TRAPPC9: variants seen among roughly 807,000 people sequenced by gnomAD.
The protein encoded by TRAPPC9 is trafficking protein particle complex subunit 9.
A neutral mutation model predicts 124.0 loss-of-function variants in TRAPPC9; 83 were observed. The ratio of observed to expected loss-of-function variants is 0.67; its 90% CI spans 0.56 to 0.80. The LOEUF is 0.80. Among genes scored for constraint, TRAPPC9 ranks in the 30% least tolerant of loss-of-function variants. The pLI, the probability that TRAPPC9 is intolerant of heterozygous loss-of-function variation, is 0.00. For synonymous variants in TRAPPC9, 638 were observed against 617.5 expected (o/e 1.03, Z -0.49); for missense variants, 1,302 against 1,508.3 (o/e 0.86, Z 2.27).
chr8:140,392,449 G>A (rs1199735261), intron 7 of TRAPPC9, among the ~76,000 whole-genome samples: 1 of 152,168 alleles, frequency 6.6e-6, no homozygotes, highest in Non-Finnish European at 1.5e-5. Context: ...AGGTCTACAA[G>A]GCAGAACATG....
chr8:139,899,873 A>C (rs1830911403), intron 20 of TRAPPC9, among the ~76,000 whole-genome samples: 1 of 152,184 alleles, frequency 6.6e-6, no homozygotes, highest in Admixed American at 6.5e-5. Flanking sequence ...GAGAAAGCAG[A>C]GACAGACCTG....
intron 19 of TRAPPC9, among the ~76,000 whole-genome samples, chr8:139,981,161 A>G (rs939312194): frequency 2.6e-5 from 4 of 152,104 alleles, no homozygotes; most frequent in Admixed American, 6.5e-5. Context: ...TCCCAGAGCC[A>G]TCTGGGTTTG....
At chr8:139,851,083 T>C (rs73364196) in intron 21 of TRAPPC9, among the ~76,000 whole-genome samples, 2,960 of 152,298 alleles carry the variant, frequency 0.019, 82 homozygotes, top group African/African-American at 0.066. Context: ...GCAGATGATG[T>C]CATGGGTTCC....
intron 21 of TRAPPC9, among the ~76,000 whole-genome samples, chr8:139,800,976 G>A (rs1307894420): frequency 2.5e-5 from 3 of 121,952 alleles, no homozygotes; most frequent in East Asian, 2.4e-4. Context: ...CCCTCCCTCC[G>A]GCATCTTCCC....
Position 140,308,160 on chromosome 8 carries a change from G to A in TRAPPC9, c.1622+3088C>T, listed in dbSNP as rs140154548. On this transcript the variant is annotated intron_variant, in intron 10 of 22. Transcript: ENST00000438773. ...AAGCCTCAACGAAGGAACAAAACCG[G>A]CCACACATTTGGCCCACTCTAAGTA... Among the ~76,000 whole-genome samples the A allele has an allele frequency of 1.1e-4, 17 of 152,024 alleles. 1 individual carries two copies. Among genetic ancestry groups the A allele is most frequent in the African/African-American group, 3.9e-4 (16 of 41,458 alleles).
intron 20 of TRAPPC9, among the ~76,000 whole-genome samples, chr8:139,905,252 G>A (rs949809250): frequency 6.6e-6 from 1 of 152,016 alleles, no homozygotes; most frequent in Non-Finnish European, 1.5e-5. Flanking sequence ...CGGGGGGCTG[G>A]GGGGAAGGAT....
At chr8:139,758,743 T>C (rs943678094) in intron 21 of TRAPPC9, among the ~76,000 whole-genome samples, 3 of 152,130 alleles carry the variant, frequency 2.0e-5, no homozygotes, top group Admixed American at 1.3e-4. Context: ...CTAGCTTCAG[T>C]GTGTGGAGGT....
At chr8:139,803,896 A>T (rs4736006) in intron 21 of TRAPPC9, among the ~76,000 whole-genome samples, 11,674 of 152,160 alleles carry the variant, frequency 0.077, 536 homozygotes, top group East Asian at 0.14. Context: ...ATGACGTCTA[A>T]ATGTGTCATT....
rs1424914042 is a variant in TRAPPC9, at chr8:139,988,181, C to T, written c.2810+545G>A. On this transcript the variant is annotated intron_variant, in intron 19 of 22. Coordinates refer to ENST00000438773, the MANE Select transcript of TRAPPC9 (RefSeq NM_001160372.4). ...TGGAGTACGGTGGTACGATCGATCT[C>T]GGCTCACTGCACCCTCTGCTTCCCG... 3.4e-5 allele frequency among the ~76,000 whole-genome samples: 5 copies of T among 147,956 alleles called. 1 individual carries two copies. Among genetic ancestry groups the T allele is most frequent in the Middle Eastern group, 7.1e-3 (2 of 280 alleles).
rs114525668 is a variant in TRAPPC9, at chr8:139,779,979, G to A, written c.3056-47777C>T. Among the ~76,000 whole-genome samples, 787 of 152,192 alleles carry A rather than the reference G, an allele frequency of 5.2e-3. 11 individuals carry two copies. Among genetic ancestry groups the A allele is most frequent in the African/African-American group, 0.018 (763 of 41,542 alleles). On this transcript the variant is annotated intron_variant, in intron 21 of 22. Transcript: ENST00000438773. ...AACAAAACATGTACAAGAGCTACAC[G>A]AGGAAAACTACAAAACTCTGATGAG... is the stretch of plus-strand genomic sequence containing the variant.
Position 140,023,981 on chromosome 8 carries a change from C to T in TRAPPC9, c.2655G>A (p.Glu885=). 6 of 1,614,118 alleles carry T rather than the reference C, an allele frequency of 3.7e-6. No homozygotes were observed. The highest frequency in any genetic ancestry group is 5.1e-6 in the Non-Finnish European group (6 of 1,180,004). Residue 885 remains glutamate, a synonymous_variant, in exon 18 of 23, where the codon GAG becomes GAA. Coordinates refer to ENST00000438773, the MANE Select transcript of TRAPPC9 (RefSeq NM_001160372.4). ...TGACTCGGGTGAAAAATACAGACGG[C>T]TCGACTTCTACATGCAGCCCCAGGG... ...NLSLGLHVEV[E]PSVFFTRVST...
At chr8:139,744,658 A>T (rs868493861) in intron 21 of TRAPPC9, among the ~76,000 whole-genome samples, 1 of 152,026 alleles carries the variant, frequency 6.6e-6, no homozygotes, top group South Asian at 2.1e-4. Flanking sequence ...CTCTCAATCC[A>T]CCAAATGGCA....
intron 21 of TRAPPC9, among the ~76,000 whole-genome samples, chr8:139,856,330 C>T (rs1034659125): frequency 6.7e-6 from 1 of 150,264 alleles, no homozygotes; most frequent in East Asian, 1.9e-4. Context: ...AGGGTCAAGG[C>T]CAACCCTCTC....
intron 3 of TRAPPC9, among the ~76,000 whole-genome samples, chr8:140,436,697 C>T (rs888473935): frequency 2.0e-5 from 3 of 152,144 alleles, no homozygotes; most frequent in African/African-American, 7.2e-5. Flanking sequence ...ATGGGCAGTA[C>T]CAGTCTTTCT....
In TRAPPC9 at chr8:139,907,233, G is replaced by A. The variant is rs796790471; in HGVS notation, c.2964+2914C>T. Among the ~76,000 whole-genome samples the A allele has an allele frequency of 3.9e-4, 60 of 152,298 alleles. No individual in the cohort carries two copies. The highest frequency in any genetic ancestry group is 3.4e-3 in the Middle Eastern group (1 of 294). On this transcript the variant is annotated intron_variant, in intron 20 of 22. Transcript: ENST00000438773. This position sits in a 1 kb window ranked among gnomAD's most constrained non-coding sequence, Gnocchi z 4.7. ...CACCGTAGCTGCTTCATAGACAGGT[G>A]TGCATCGACCCAGTGCAAGATCCCC...
intron 7 of TRAPPC9, among the ~76,000 whole-genome samples, chr8:140,377,970 T>A (rs1004032220): frequency 7.3e-5 from 11 of 151,382 alleles, no homozygotes; most frequent in Non-Finnish European, 1.5e-4. Context: ...AAAAAAAAAA[T>A]ACTTTGGGAT....
intron 21 of TRAPPC9, among the ~76,000 whole-genome samples, chr8:139,870,145 A>G (rs1345993382): frequency 6.6e-6 from 1 of 152,246 alleles, no homozygotes; most frequent in Non-Finnish European, 1.5e-5. Context: ...CCCTAAATAT[A>G]TGAGAAAAGT....
chr8:140,422,753 C>CAAA (rs34303137), intron 5 of TRAPPC9, among the ~76,000 whole-genome samples: 4 of 104,036 alleles, frequency 3.8e-5, no homozygotes, highest in Non-Finnish European at 5.5e-5. Context: ...GATTCTGTCT[C>CAAA]AAAAAAAAAA....
chr8:140,361,033 A>G (rs2067938457), intron 8 of TRAPPC9, among the ~76,000 whole-genome samples: 1 of 152,214 alleles, frequency 6.6e-6, no homozygotes, highest in South Asian at 2.1e-4. Flanking sequence ...CACTGCTCCC[A>G]GCCAATCTGT....
Sources: gnomAD v4.1 joint callset for allele counts (sites outside exome capture counted in the v4.1 genomes callset) on GRCh38, gnomAD v4.1.1 for gene constraint, Gnocchi (gnomAD v3.1) non-coding constraint, MANE v1.5 for transcripts, NCBI Gene and HGNC (gene_info 2026-07-23, HGNC 2026-07-21) for gene names.